The following SBK1 variants were observed in gnomAD, a reference collection of about 807,000 sequenced individuals.
SBK1 encodes SH3 domain binding kinase 1.
In SBK1, 11 loss-of-function variants were observed where a neutral mutation model predicts 24.4. That is an observed-to-expected ratio of 0.45 (90% confidence interval 0.28 to 0.75). The LOEUF is 0.75. Among genes scored for constraint, SBK1 ranks in the 30% least tolerant of loss-of-function variants. The pLI is 0.12. For synonymous variants in SBK1, 308 were observed against 284.4 expected, an observed-to-expected ratio of 1.08 and a Z score of -0.83; for missense variants, 467 against 620.5, an observed-to-expected ratio of 0.75 and a Z score of 2.63.
intron 1 of SBK1, among the ~76,000 whole-genome samples, chr16:28,273,366 G>A (rs1055088636): frequency 2.0e-5 from 3 of 151,876 alleles, no homozygotes; most frequent in Non-Finnish European, 2.9e-5. Flanking sequence ...GATTACAGGC[G>A]TGAGCCCCCA....
At position 28,319,445 on chromosome 16, in the gene SBK1, ATGAT is replaced by A. The variant is rs2044821933; in HGVS notation, c.429+249_429+252del. ...GAGTGCCTAAAAGGAGACAGTGAGA[ATGAT>A]GGGATGAAGTCACTGGGCCCTCCCC... On this transcript the variant is annotated intron_variant, in intron 3 of 3. Coordinates refer to ENST00000341901, the MANE Select transcript of SBK1 (RefSeq NM_001024401.3). This position sits in a 1 kb window ranked among gnomAD's most constrained non-coding sequence, Gnocchi z 4.0. Among the ~76,000 whole-genome samples, 1 of 152,120 alleles carries A rather than the reference ATGAT, an allele frequency of 6.6e-6. No homozygotes were observed. Among genetic ancestry groups the A allele is most frequent in the South Asian group, 2.1e-4 (1 of 4,818 alleles).
intron 1 of SBK1, among the ~76,000 whole-genome samples, chr16:28,264,328 C>T (rs529145807): frequency 9.6e-4 from 146 of 152,234 alleles, no homozygotes; most frequent in African/African-American, 3.3e-3. Flanking sequence ...AATCCCAGCA[C>T]TTTGGGAGGC....
chr16:28,310,729 A>T (rs1596552104), intron 1 of SBK1, among the ~76,000 whole-genome samples: 1 of 152,156 alleles, frequency 6.6e-6, no homozygotes. Context: ...ATTTGTGAGG[A>T]TTAAGTGCAT....
At chr16:28,266,282 G>A (rs1318199206) in intron 1 of SBK1, among the ~76,000 whole-genome samples, 5 of 151,990 alleles carry the variant, frequency 3.3e-5, no homozygotes, top group South Asian at 4.1e-4. Context: ...TGGGAGGATC[G>A]CTTGAGCCCA....
intron 1 of SBK1, among the ~76,000 whole-genome samples, chr16:28,308,740 G>GGTGTGTGTGTGTGT (rs763015809): frequency 1.4e-4 from 18 of 130,536 alleles, no homozygotes; most frequent in Non-Finnish European, 1.5e-4. Flanking sequence ...CGTTCTTTGG[G>GGTGTGTGTGTGTGT]GTGTGTGTGT....
chr16:28,310,679 A>AT (rs755392719), intron 1 of SBK1, among the ~76,000 whole-genome samples: 5 of 151,380 alleles, frequency 3.3e-5, no homozygotes, highest in East Asian at 1.9e-4. Context: ...CCCTGTCTCT[A>AT]TTTTTTTTTA....
intron 1 of SBK1, among the ~76,000 whole-genome samples, chr16:28,304,798 T>A (rs550314919): frequency 6.6e-6 from 1 of 151,958 alleles, no homozygotes; most frequent in Non-Finnish European, 1.5e-5. Context: ...TTAGTAGAGA[T>A]GGGGTTTCAC....
chr16:28,269,932 G>A (rs1004294882), intron 1 of SBK1, among the ~76,000 whole-genome samples: 2 of 152,000 alleles, frequency 1.3e-5, no homozygotes, highest in Non-Finnish European at 2.9e-5. Flanking sequence ...AAAGCCAATC[G>A]CCAGTAAATT....
chr16:28,320,617 G>A lies in SBK1; in HGVS notation c.971G>A (p.Arg324Gln), dbSNP rs1416088816. The A allele has an allele frequency of 2.9e-6, 4 of 1,388,486 alleles. No individual in the cohort carries two copies. Among genetic ancestry groups the A allele is most frequent in the Admixed American group, 3.2e-5 (1 of 31,720 alleles). 86.0% of individuals were successfully genotyped at this position (1,388,486 alleles called of 1,614,324 possible). ...KHELTSELRRRPSHRARKPPG... is the reference protein window; with the variant it reads ...KHELTSELRRQPSHRARKPPG... ...GAGCTCACGTCCGAGCTGCGCCGCC[G>A]GCCCTCGCACCGCGCGCGCAAGCCC... Residue 324 changes from arginine to glutamine, a missense_variant, in exon 4 of 4, where the codon CGG becomes CAG. Arg to Gln is a conservative substitution (Grantham distance 43). Around this residue, in one of 4 missense-constraint regions of SBK1, gnomAD observed 86 missense variants for 121.7 expected, o/e 0.71. Coordinates refer to ENST00000341901, the MANE Select transcript of SBK1 (RefSeq NM_001024401.3). The surrounding 1 kb of genome is among the most constrained non-coding windows in gnomAD (Gnocchi z 8.5).
chr16:28,298,666 G>A (rs150427149), intron 1 of SBK1, among the ~76,000 whole-genome samples: 6 of 152,384 alleles, frequency 3.9e-5, no homozygotes, highest in Non-Finnish European at 5.9e-5. Flanking sequence ...CCCTGCCGGG[G>A]TATGCAAATG....
At chr16:28,306,710 C>G (rs1030677754) in intron 1 of SBK1, among the ~76,000 whole-genome samples, 1 of 152,176 alleles carries the variant, frequency 6.6e-6, no homozygotes, top group Non-Finnish European at 1.5e-5. Flanking sequence ...AGCAAGAAAC[C>G]GAAGAGCTCC....
Position 28,320,144 on chromosome 16 carries a change from C to A in SBK1, c.498C>A (p.His166Gln). The change falls in exon 4 of 4, where the codon CAC becomes CAA. Residue 166 changes from histidine (H) to glutamine (Q), a missense_variant. Physicochemically the swap from His to Gln is conservative, Grantham distance 24 (BLOSUM62 0). Coordinates refer to ENST00000341901, the MANE Select transcript of SBK1 (RefSeq NM_001024401.3). This position sits in a 1 kb window ranked among gnomAD's most constrained non-coding sequence, Gnocchi z 8.5. ...QQLGLALDFM[H>Q]GRQLVHRDIK... ...TGGGCCTGGCGCTGGACTTCATGCA[C>A]GGGCGGCAGCTGGTGCACCGCGACA... The A allele has an allele frequency of 6.3e-7, 1 of 1,579,126 alleles. No individual in the cohort carries two copies. The highest frequency in any genetic ancestry group is 8.6e-7 in the Non-Finnish European group (1 of 1,167,954).
chr16:28,280,149 A>ATATATATATATATTTG (rs1230385223), intron 1 of SBK1, among the ~76,000 whole-genome samples: 1 of 39,414 alleles, frequency 2.5e-5, no homozygotes, highest in Non-Finnish European at 5.4e-5. Flanking sequence ...ATATATATAT[A>ATATATATATATATTTG]TGTGTGTGTG....
chr16:28,312,497 T>TGG (rs1011879501), intron 1 of SBK1, among the ~76,000 whole-genome samples: 26 of 152,254 alleles, frequency 1.7e-4, no homozygotes, highest in African/African-American at 6.3e-4. Flanking sequence ...TGGGACTGCG[T>TGG]GGAGACATGG....
chr16:28,292,447 C>T (rs1449296418), upstream of SBK1: 4 of 758,656 alleles, frequency 5.3e-6, no homozygotes, highest in South Asian at 2.3e-4. Context: ...GACAAAGGGG[C>T]GGGCGGCGGC....
intron 1 of SBK1, among the ~76,000 whole-genome samples, chr16:28,316,426 C>T (rs953038802): frequency 6.6e-6 from 1 of 152,178 alleles, no homozygotes; most frequent in East Asian, 1.9e-4. Flanking sequence ...ATGCTGTGTC[C>T]TCCAGGCTTT....
chr16:28,265,106 TACA>T (rs1436685493), intron 1 of SBK1, among the ~76,000 whole-genome samples: 1 of 150,972 alleles, frequency 6.6e-6, no homozygotes, highest in Non-Finnish European at 1.5e-5. Context: ...CCCCCATCTC[TACA>T]ACAAGTGAGA....
chr16:28,298,661 C>A (rs1266570218), intron 1 of SBK1, among the ~76,000 whole-genome samples: 1 of 152,234 alleles, frequency 6.6e-6, no homozygotes, highest in African/African-American at 2.4e-5. Context: ...GCCTTCCCTG[C>A]CGGGGTATGC....
At chr16:28,310,028 A>G (rs562656552) in intron 1 of SBK1, among the ~76,000 whole-genome samples, 1 of 152,350 alleles carries the variant, frequency 6.6e-6, no homozygotes, top group East Asian at 1.9e-4. Context: ...TGGGCGGCTC[A>G]GTCTTGCTTC....
Sources: gnomAD v4.1 joint callset for allele counts (sites outside exome capture counted in the v4.1 genomes callset) on GRCh38, gnomAD v4.1.1 for gene constraint, gnomAD v4.1.1 regional missense constraint, Gnocchi (gnomAD v3.1) non-coding constraint, MANE v1.5 for transcripts, NCBI Gene and HGNC (gene_info 2026-07-23, HGNC 2026-07-21) for gene names.